Variants in FREM2 observed in about 807,000 individuals in gnomAD.
FREM2 encodes FRAS1 related extracellular matrix 2.
In FREM2, 119 loss-of-function variants were observed where a neutral mutation model predicts 219.9. The ratio of observed to expected loss-of-function variants is 0.54; its 90% CI spans 0.47 to 0.63. The LOEUF (loss-of-function observed/expected upper bound fraction) is 0.63. Among genes scored for constraint, FREM2 ranks in the 30% least tolerant of loss-of-function variants. The pLI is 0.00. For missense variants in FREM2, 4,030 were observed against 3,993.6 expected, an observed-to-expected ratio of 1.01 and a Z score of -0.25; for synonymous variants, 1,562 against 1,522.8, an observed-to-expected ratio of 1.03 and a Z score of -0.60.
chr13:38,861,491 G>T lies in FREM2; in HGVS notation c.7580G>T (p.Arg2527Leu). The T allele has an allele frequency of 1.9e-6, 3 of 1,612,142 alleles. No homozygotes were observed. The highest frequency in any genetic ancestry group is 1.7e-5 in the Admixed American group (1 of 59,734). ...VGAEPFSAKL[R>L]YTGPEDADYT... ...GCAGAGCCGTTCTCAGCTAAATTGC[G>T]CTACACAGGCCCTGAGGATGCAGAC... Residue 2527 changes from arginine (R) to leucine (L), a missense_variant, in exon 15 of 24, where the codon CGC becomes CTC. Transcript: ENST00000280481.
intron 13 of FREM2, 25 bp downstream of exon 13, chr13:38,858,058 A>C: frequency 6.3e-7 from 1 of 1,589,036 alleles, no homozygotes; most frequent in South Asian, 1.1e-5. Flanking sequence ...CACAAAATTG[A>C]GGAAAATTGT....
intron 4 of FREM2, among the ~76,000 whole-genome samples, chr13:38,778,707 C>G (rs149238813): frequency 2.0e-5 from 3 of 152,058 alleles, no homozygotes; most frequent in Non-Finnish European, 1.5e-5. Flanking sequence ...AGGCTTAACA[C>G]CTGGGTGATG....
chr13:38,828,606 G>T (rs1402722228), intron 6 of FREM2, among the ~76,000 whole-genome samples: 1 of 151,956 alleles, frequency 6.6e-6, no homozygotes, highest in Non-Finnish European at 1.5e-5. Flanking sequence ...ACCTTCTTAG[G>T]AGGCTGAGGC....
chr13:38,727,224 C>A (rs751373716), intron 2 of FREM2, among the ~76,000 whole-genome samples: 3 of 152,078 alleles, frequency 2.0e-5, no homozygotes, highest in Admixed American at 1.3e-4. Context: ...AAAAGTAATT[C>A]TAAAAGAATA....
chr13:38,801,582 G>T (rs1178231545), intron 6 of FREM2, among the ~76,000 whole-genome samples: 9 of 152,162 alleles, frequency 5.9e-5, no homozygotes, highest in Non-Finnish European at 1.2e-4. Context: ...ATATTCATAT[G>T]ATTTTATTGA....
chr13:38,791,268 A>G (rs780090940), intron 6 of FREM2, among the ~76,000 whole-genome samples: 3 of 152,206 alleles, frequency 2.0e-5, no homozygotes, highest in Non-Finnish European at 4.4e-5. Flanking sequence ...AAAAGAGTCT[A>G]GGCCAGGATT....
intron 2 of FREM2, among the ~76,000 whole-genome samples, chr13:38,731,378 T>C (rs1041667950): frequency 6.6e-6 from 1 of 152,204 alleles, no homozygotes; most frequent in Non-Finnish European, 1.5e-5. Flanking sequence ...CCTTGAGTTA[T>C]AAGATACCAG....
At chr13:38,764,530 A>T (rs990344450) in intron 3 of FREM2, 80 bp downstream of exon 3, 115 of 851,992 alleles carry the variant, frequency 1.3e-4, no homozygotes, top group Non-Finnish European at 2.0e-4. Context: ...TTAAAGTATC[A>T]GTTTAGTTCA....
At chr13:38,769,031 A>G (rs574774079) in intron 3 of FREM2, among the ~76,000 whole-genome samples, 62 of 152,296 alleles carry the variant, frequency 4.1e-4, no homozygotes, top group African/African-American at 1.4e-3. Flanking sequence ...AAAAACACTG[A>G]ATTACATTTT....
chr13:38,796,268 G>A (rs540201999), intron 6 of FREM2, among the ~76,000 whole-genome samples: 1 of 152,224 alleles, frequency 6.6e-6, no homozygotes, highest in African/African-American at 2.4e-5. Flanking sequence ...TGTTGCTGTG[G>A]CTACTTCCAG....
In FREM2 at chr13:38,876,971, C is replaced by G. The variant is rs1204628588; in HGVS notation, c.8545-146C>G. The G allele has an allele frequency of 4.1e-6, 4 of 986,680 alleles. No individual in the cohort carries two copies. In the African/African-American group the frequency reaches 6.4e-5, roughly 16 times the overall value. 61.1% of individuals were successfully genotyped at this position (986,680 alleles called of 1,614,324 possible). On this transcript the variant is annotated intron_variant, in intron 20 of 23. Coordinates refer to ENST00000280481, the MANE Select transcript of FREM2 (RefSeq NM_207361.6). ...CAAGGACAAAAGCAATGTTACAACTCTCTGAGTTAGCTTGGTAGGGTGTGA... is the reference window on the plus strand; with the variant it reads ...CAAGGACAAAAGCAATGTTACAACTGTCTGAGTTAGCTTGGTAGGGTGTGA...
chr13:38,805,984 T>G (rs1439827647), intron 6 of FREM2, among the ~76,000 whole-genome samples: 1 of 151,916 alleles, frequency 6.6e-6, no homozygotes, highest in Non-Finnish European at 1.5e-5. Context: ...AACCACTTTT[T>G]TGATAGTCAT....
At chr13:38,752,549 A>C (rs567168670) in intron 2 of FREM2, among the ~76,000 whole-genome samples, 28 of 152,274 alleles carry the variant, frequency 1.8e-4, no homozygotes, top group South Asian at 4.1e-4. Flanking sequence ...ACCCCACTCT[A>C]ATCTCTTCAT....
chr13:38,849,948 T>C, intron 8 of FREM2, 90 bp from the exon 9 acceptor site: 4 of 1,045,846 alleles, frequency 3.8e-6, no homozygotes, highest in Non-Finnish European at 5.9e-6. Flanking sequence ...TCTCACTTAC[T>C]TTCCATTATT....
At chr13:38,873,067 A>G (rs1446548699) in intron 17 of FREM2, 133 bp downstream of exon 17, 3 of 756,634 alleles carry the variant, frequency 4.0e-6, no homozygotes, top group Admixed American at 5.0e-5. Flanking sequence ...CTATAATAAG[A>G]TAATTTCACC....
At position 38,856,157 on chromosome 13, in the gene FREM2, C is replaced by A. The variant is rs182710790; in HGVS notation, c.6957C>A (p.His2319Gln). 17 of 1,610,722 alleles carry A rather than the reference C, an allele frequency of 1.1e-5. No homozygotes were observed. In the African/African-American group the frequency reaches 2.0e-4, roughly 19 times the overall value. The change falls in exon 12 of 24, where the codon CAC becomes CAA. Residue 2319 changes from histidine to glutamine, a missense_variant. By Grantham distance (24) the His-to-Gln change is conservative (BLOSUM62 0). Transcript: ENST00000280481. Reference sequence around the variant, plus strand: ...AGTTTAAGGAAGGGGAAACCCAGCACGTGGTTGAAATCGAAGTTACCTTTG... The same window carrying A: ...AGTTTAAGGAAGGGGAAACCCAGCAAGTGGTTGAAATCGAAGTTACCTTTG... The part of the protein sequence containing the change: ...EIEFKEGETQ[H>Q]VVEIEVTFDG...
At chr13:38,732,275 C>T (rs1208923228) in intron 2 of FREM2, among the ~76,000 whole-genome samples, 2 of 152,142 alleles carry the variant, frequency 1.3e-5, no homozygotes, top group Admixed American at 6.6e-5. Flanking sequence ...TAAATCAGAA[C>T]GTGTCAATTC....
chr13:38,688,116 GC>G lies in FREM2; in HGVS notation c.773del (p.Ala258ValfsTer5), dbSNP rs1869581098. The G allele has an allele frequency of 7.4e-6, 12 of 1,613,384 alleles. No homozygotes were observed. The highest frequency in any genetic ancestry group is 1.0e-5 in the Non-Finnish European group (12 of 1,179,710). On this transcript the variant is annotated frameshift_variant, in exon 1 of 24. Coordinates refer to ENST00000280481, the MANE Select transcript of FREM2 (RefSeq NM_207361.6). LOFTEE classifies it high-confidence loss of function. ...APETLLMDCK[A>X]FQELGVRYRH... The stretch of plus-strand genomic sequence containing the variant: ...GGAGACTCTCCTGATGGACTGCAAA[GC>G]TTTCCAGGAACTAGGCGTGCGCTAT...
rs536912642 is a variant in FREM2 at position 38,753,389 on chromosome 13, A to T, written c.5264-10915A>T. 1.1e-4 allele frequency among the ~76,000 whole-genome samples: 17 copies of T among 152,330 alleles called. No homozygotes were observed. The South Asian group carries it at 3.5e-3, about 32-fold the overall frequency. On this transcript the variant is annotated intron_variant, in intron 2 of 23. Coordinates refer to ENST00000280481, the MANE Select transcript of FREM2 (RefSeq NM_207361.6). ...TAAACCAGGAGTGAAATCCCTGGGA[A>T]TTTAAAATGCTTTGTAATCTTATTC...
Sources: allele counts gnomAD v4.1 joint callset (sites outside exome capture counted in the v4.1 genomes callset), GRCh38; gene constraint gnomAD v4.1.1; transcripts MANE v1.5; gene names NCBI Gene and HGNC (gene_info 2026-07-23, HGNC 2026-07-21).